LPAR1: variants seen among roughly 807,000 people sequenced by gnomAD.
LPAR1 encodes the protein lysophosphatidic acid receptor 1.
In LPAR1, 5 loss-of-function variants were observed where a neutral mutation model predicts 23.8. The ratio of observed to expected loss-of-function variants is 0.21; its 90% CI spans 0.11 to 0.44. The LOEUF (loss-of-function observed/expected upper bound fraction) is 0.44, where lower values mean the gene tolerates loss of function less well. Ranked by LOEUF, LPAR1 falls within the 20% of genes least tolerant of loss-of-function variation. LPAR1 has a pLI of 0.99. For missense variants in LPAR1, 311 were observed against 482.8 expected (o/e 0.64, Z 3.33); for synonymous variants, 160 against 164.7 (o/e 0.97, Z 0.22).
At chr9:110,991,875 G>T (rs999026723) in intron 2 of LPAR1, among the ~76,000 whole-genome samples, 4 of 152,088 alleles carry the variant, frequency 2.6e-5, no homozygotes, top group African/African-American at 9.7e-5. Context: ...TTACAGGCGT[G>T]AGCCACCACT....
rs1186318362 is a variant in LPAR1, at chr9:110,959,170, C to CAAAAAAAAAAAAAAAA, written c.45+12902_45+12903insTTTTTTTTTTTTTTTT. 9.5e-4 allele frequency among the ~76,000 whole-genome samples: 77 copies of CAAAAAAAAAAAAAAAA among 81,130 alleles called. 4 individuals are homozygous for CAAAAAAAAAAAAAAAA. The highest frequency in any genetic ancestry group is 3.6e-3 in the African/African-American group (70 of 19,306). The allele number at this position is 81,130 out of a possible 152,430, so 53.2% of individuals were successfully genotyped here. On this transcript the variant is annotated intron_variant, in intron 4 of 5. Coordinates refer to ENST00000683809, the MANE Select transcript of LPAR1 (RefSeq NM_001351411.2). ...AAAAAACAGTATGAAGATGTCTCTA[C>CAAAAAAAAAAAAAAAA]AAAAAAAAAAAAAAACCACTAAAAC...
At chr9:110,939,129 T>C (rs1218740313) in intron 5 of LPAR1, among the ~76,000 whole-genome samples, 2 of 152,106 alleles carry the variant, frequency 1.3e-5, no homozygotes, top group Non-Finnish European at 2.9e-5. Context: ...CCAACCCATG[T>C]CTCCCATGTA....
At chr9:110,939,984 T>C (rs2094977264) in intron 5 of LPAR1, among the ~76,000 whole-genome samples, 1 of 152,218 alleles carries the variant, frequency 6.6e-6, no homozygotes, top group African/African-American at 2.4e-5. Flanking sequence ...TTTATCCACA[T>C]CATGGAAAAT....
chr9:110,985,409 G>A (rs575422539), intron 2 of LPAR1, among the ~76,000 whole-genome samples: 5 of 116,526 alleles, frequency 4.3e-5, no homozygotes, highest in Admixed American at 1.9e-4. Flanking sequence ...TTTTCAAATT[G>A]GTCTAAAAGT....
intron 2 of LPAR1, among the ~76,000 whole-genome samples, chr9:110,989,509 T>C (rs574448373): frequency 6.6e-6 from 1 of 152,308 alleles, no homozygotes; most frequent in Admixed American, 6.5e-5. Flanking sequence ...TGTATTGTTG[T>C]GAGGTTCTTG....
At chr9:110,913,553 A>AGT (rs1335158529) in intron 5 of LPAR1, among the ~76,000 whole-genome samples, 1 of 131,566 alleles carries the variant, frequency 7.6e-6, no homozygotes, top group East Asian at 5.2e-4. Flanking sequence ...CATTTTAATA[A>AGT]GTATATATAT....
intron 2 of LPAR1, among the ~76,000 whole-genome samples, chr9:111,026,179 CATTT>C (rs1292248503): frequency 1.3e-5 from 2 of 152,094 alleles, no homozygotes; most frequent in Non-Finnish European, 2.9e-5. Flanking sequence ...TTTTTCCATT[CATTT>C]GTGTCGTCTC....
At chr9:110,909,300 G>A (rs2091995829) in intron 5 of LPAR1, among the ~76,000 whole-genome samples, 1 of 152,148 alleles carries the variant, frequency 6.6e-6, no homozygotes, top group South Asian at 2.1e-4. Context: ...AACCCCGGGT[G>A]TTTCAGTAAC....
chr9:110,940,196 C>T (rs1204904555), intron 5 of LPAR1, among the ~76,000 whole-genome samples: 1 of 152,174 alleles, frequency 6.6e-6, no homozygotes, highest in African/African-American at 2.4e-5. Flanking sequence ...CACAGGTCTA[C>T]AAGAGGGTCA....
At chr9:110,921,836 A>G (rs1166643477) in intron 5 of LPAR1, among the ~76,000 whole-genome samples, 1 of 152,240 alleles carries the variant, frequency 6.6e-6, no homozygotes, top group Non-Finnish European at 1.5e-5. Context: ...CATGAAAGGC[A>G]TGCCATTAGG....
intron 5 of LPAR1, among the ~76,000 whole-genome samples, chr9:110,908,296 C>A (rs961906386): frequency 6.7e-6 from 1 of 148,576 alleles, no homozygotes; most frequent in Non-Finnish European, 1.5e-5. Flanking sequence ...TTCATTAATG[C>A]TTAATAAACT....
intron 5 of LPAR1, among the ~76,000 whole-genome samples, chr9:110,885,784 C>T (rs984097064): frequency 4.6e-5 from 7 of 152,114 alleles, no homozygotes; most frequent in African/African-American, 7.2e-5. Flanking sequence ...CTTACCAGGC[C>T]GGGCGTGGTG....
At chr9:111,035,429 GC>G (rs1440285718) in intron 2 of LPAR1, among the ~76,000 whole-genome samples, 2 of 151,934 alleles carry the variant, frequency 1.3e-5, no homozygotes. Flanking sequence ...TCACTATGTT[GC>G]CCAGGTTGGT....
At chr9:111,019,394 T>C (rs2097518152) in intron 2 of LPAR1, among the ~76,000 whole-genome samples, 1 of 152,172 alleles carries the variant, frequency 6.6e-6, no homozygotes, top group African/African-American at 2.4e-5. Context: ...TTAAATACTT[T>C]AAGATGTGTT....
In LPAR1 at chr9:110,971,616, T is replaced by C. The variant is rs534307537; in HGVS notation, c.45+457A>G. ...GAATTGCATTTTGTTTCAAAGTTCC[T>C]AGAACAGATCAAGGCAAAAGAGTAA... On this transcript the variant is annotated intron_variant, in intron 4 of 5. Transcript: ENST00000683809. Among the ~76,000 whole-genome samples the C allele has an allele frequency of 9.9e-5, 15 of 152,238 alleles. No individual in the cohort carries two copies. The East Asian group carries it at 2.7e-3, about 27-fold the overall frequency.
At chr9:110,928,006 T>C (rs1290905884) in intron 5 of LPAR1, among the ~76,000 whole-genome samples, 5 of 152,244 alleles carry the variant, frequency 3.3e-5, no homozygotes, top group African/African-American at 1.2e-4. Flanking sequence ...TTTATAAAGA[T>C]AGTACAAAAA....
At chr9:111,005,037 C>T (rs961731132) in intron 2 of LPAR1, among the ~76,000 whole-genome samples, 4 of 151,284 alleles carry the variant, frequency 2.6e-5, no homozygotes, top group African/African-American at 9.7e-5. Context: ...TGGCGTGTGC[C>T]TGTGGTTCCA....
chr9:110,989,137 G>T (rs1413288382), intron 2 of LPAR1, among the ~76,000 whole-genome samples: 3 of 152,164 alleles, frequency 2.0e-5, no homozygotes, highest in African/African-American at 7.2e-5. Flanking sequence ...AGGATAAATA[G>T]GGAGTGATTG....
Position 110,948,436 on chromosome 9 carries a change from C to T in LPAR1, c.46-6268G>A, listed in dbSNP as rs1424652880. On this transcript the variant is annotated intron_variant, in intron 4 of 5. Transcript: ENST00000683809. The stretch of plus-strand genomic sequence containing the variant: ...TTTAGGAGGTTTATCTGAAAAAGTA[C>T]ATAAAATGCTACTTCTTATAAAATA... Among the ~76,000 whole-genome samples the T allele has an allele frequency of 3.9e-5, 6 of 152,094 alleles. No homozygotes were observed. The East Asian group carries it at 9.6e-4, about 24-fold the overall frequency.
Sources: allele counts gnomAD v4.1 joint callset (sites outside exome capture counted in the v4.1 genomes callset), GRCh38; gene constraint gnomAD v4.1.1; transcripts MANE v1.5; gene names NCBI Gene and HGNC (gene_info 2026-07-23, HGNC 2026-07-21).